The following NEBL variants were observed in gnomAD, a reference collection of about 807,000 sequenced individuals.
The protein encoded by NEBL is nebulette.
NEBL carries 122 observed loss-of-function variants against 140.2 expected under a neutral mutation model. The observed-to-expected ratio is 0.87, with a 90% confidence interval of 0.75 to 1.01. The LOEUF (loss-of-function observed/expected upper bound fraction) is 1.01. Ranked by LOEUF, NEBL falls within the 50% of genes least tolerant of loss-of-function variation. The pLI is 0.00. For missense variants in NEBL, 1,365 were observed against 1,231.3 expected (o/e 1.11, Z -1.62); for synonymous variants, 436 against 398.9 (o/e 1.09, Z -1.11).
At chr10:20,874,293 G>A (rs1845267013) in intron 5 of NEBL, among the ~76,000 whole-genome samples, 1 of 152,160 alleles carries the variant, frequency 6.6e-6, no homozygotes, top group South Asian at 2.1e-4. Flanking sequence ...GGCCTCTGAA[G>A]TTCAGCCTGC....
intron 3 of NEBL, among the ~76,000 whole-genome samples, chr10:20,996,130 G>C (rs1837656390): frequency 6.6e-6 from 1 of 152,156 alleles, no homozygotes. Flanking sequence ...AACCAAAGAA[G>C]GCTGGAGACT....
intron 2 of NEBL, among the ~76,000 whole-genome samples, chr10:21,105,189 C>A (rs910586677): frequency 6.9e-5 from 10 of 145,790 alleles, no homozygotes; most frequent in African/African-American, 2.8e-4. Flanking sequence ...ATCTTCATTT[C>A]TTTTTCTTTT....
At chr10:21,061,052 C>T (rs966539809) in intron 2 of NEBL, among the ~76,000 whole-genome samples, 1 of 151,600 alleles carries the variant, frequency 6.6e-6, no homozygotes, top group Non-Finnish European at 1.5e-5. Flanking sequence ...AGGGTCTTTG[C>T]AAATTTAACC....
At chr10:21,031,779 C>T (rs1228375254) in intron 2 of NEBL, among the ~76,000 whole-genome samples, 2 of 152,116 alleles carry the variant, frequency 1.3e-5, no homozygotes, top group African/African-American at 2.4e-5. Flanking sequence ...AAGTCAAGTC[C>T]TGGGCCTCCT....
At chr10:20,870,951 G>A (rs377708087) in intron 5 of NEBL, among the ~76,000 whole-genome samples, 6 of 152,176 alleles carry the variant, frequency 3.9e-5, no homozygotes, top group South Asian at 4.1e-4. Flanking sequence ...TGTTTCACTG[G>A]TCAGCTCACT....
At chr10:21,160,166 T>A (rs558976516) in intron 2 of NEBL, among the ~76,000 whole-genome samples, 12 of 152,270 alleles carry the variant, frequency 7.9e-5, no homozygotes, top group African/African-American at 2.9e-4. Flanking sequence ...TCAGTCCCTG[T>A]TATATACTCA....
In NEBL at chr10:21,131,935, T is replaced by C. The variant is rs929858249; in HGVS notation, c.164+40448A>G. 2.0e-5 allele frequency among the ~76,000 whole-genome samples: 3 copies of C among 152,234 alleles called. No homozygotes were observed. The South Asian group carries it at 6.2e-4, about 31-fold the overall frequency. On this transcript the variant is annotated intron_variant, in intron 2 of 6. Coordinates refer to the NEBL transcript ENST00000417816. ...TTCCTACTTTCTGCAAAAAGGCAGA[T>C]ACAGCTTTCTTTTTTATTTTTGTAT...
chr10:20,864,864 AG>A (rs1395835332), intron 7 of NEBL, among the ~76,000 whole-genome samples: 1 of 152,216 alleles, frequency 6.6e-6, no homozygotes, highest in African/African-American at 2.4e-5. Context: ...TTATTTTCCC[AG>A]CTTTCCCCTT....
At position 21,279,214 on chromosome 10, in the gene NEBL, T is replaced by C. The variant is rs201478488; in HGVS notation, n.182+13616A>G. Among the ~76,000 whole-genome samples the C allele has an allele frequency of 9.2e-5, 14 of 152,160 alleles. No homozygotes were observed. The East Asian group carries it at 2.5e-3, about 27-fold the overall frequency. On this transcript the variant is annotated intron_variant and non_coding_transcript_variant, in intron 1 of 8. Transcript: ENST00000675702. ...GCCTGGCTGCATTCCAATAAAACTTTATTTATGGATGCCAAGATTTGAATT... is the reference window on the plus strand; with the variant it reads ...GCCTGGCTGCATTCCAATAAAACTTCATTTATGGATGCCAAGATTTGAATT...
intron 3 of NEBL, among the ~76,000 whole-genome samples, chr10:20,992,389 T>C (rs2131688925): frequency 6.6e-6 from 1 of 152,276 alleles, no homozygotes; most frequent in South Asian, 2.1e-4. Flanking sequence ...CAGCATGAAT[T>C]AGATGGACCC....
At chr10:21,168,207 C>T (rs1402911073) in intron 2 of NEBL, among the ~76,000 whole-genome samples, 2 of 152,186 alleles carry the variant, frequency 1.3e-5, no homozygotes, top group East Asian at 3.8e-4. Flanking sequence ...CTCACTACTT[C>T]ATTCCATTAA....
In NEBL at chr10:21,173,705, C is replaced by G. The variant is rs575413999; in HGVS notation, c.69+60G>C. 1.2e-6 allele frequency: 2 copies of G among 1,609,038 alleles called. No individual in the cohort carries two copies. The highest frequency in any genetic ancestry group is 2.2e-5 in the South Asian group (2 of 91,016). On this transcript the variant is annotated intron_variant, in intron 1 of 6. Coordinates refer to the NEBL transcript ENST00000417816. The surrounding 1 kb of genome is among the most constrained non-coding windows in gnomAD (Gnocchi z 5.7). ...TTCCATCCCAGGTGCCAAAACTTCT[C>G]GAAGCAGGTGCAGCCCCTCGCCCGG...
At chr10:21,227,702 TTCTTCTTCTTTCTTCTTCTTCTTCTTC>T (rs1842177398) in intron 3 of NEBL, among the ~76,000 whole-genome samples, 1 of 68,310 alleles carries the variant, frequency 1.5e-5, no homozygotes, top group African/African-American at 7.1e-5. Flanking sequence ...CTTCTTCTTC[TTCTTCTTCTTTCTTCTTCTTCTTCTTC>T]TTCTTCTTCT....
chr10:20,899,424 A>G (rs1321019951), upstream of NEBL: 1 of 1,303,722 alleles, frequency 7.7e-7, no homozygotes, highest in African/African-American at 1.5e-5. Context: ...CCATCACGTA[A>G]TATGTTCTTA....
chr10:21,014,479 A>T (rs1027563966), intron 3 of NEBL, among the ~76,000 whole-genome samples: 2 of 152,204 alleles, frequency 1.3e-5, no homozygotes, highest in Non-Finnish European at 2.9e-5. Flanking sequence ...AAACTTTTGG[A>T]CAATGCTATC....
chr10:20,882,576 C>T (rs1321696671), intron 4 of NEBL, among the ~76,000 whole-genome samples: 1 of 152,094 alleles, frequency 6.6e-6, no homozygotes, highest in African/African-American at 2.4e-5. Flanking sequence ...GTTTAGTGAA[C>T]AGATGAATAA....
At chr10:21,141,633 C>G (rs1344739545) in intron 2 of NEBL, among the ~76,000 whole-genome samples, 2 of 151,916 alleles carry the variant, frequency 1.3e-5, no homozygotes, top group African/African-American at 4.8e-5. Context: ...CAGAGAAACA[C>G]AAAAAAGATG....
chr10:21,276,536 C>T (rs144786956), intron 1 of NEBL, among the ~76,000 whole-genome samples: 2 of 152,294 alleles, frequency 1.3e-5, no homozygotes, highest in African/African-American at 4.8e-5. Flanking sequence ...TTGGTCAAAA[C>T]TGATTGCCAC....
Position 20,889,830 on chromosome 10 carries a change from C to A in NEBL, c.258+15G>T, listed in dbSNP as rs773069296. 9 of 1,538,762 alleles carry A rather than the reference C, an allele frequency of 5.8e-6. No individual in the cohort carries two copies. The South Asian group carries it at 1.0e-4, about 17-fold the overall frequency. Reference sequence around the variant, plus strand: ...AGATAAATGCAAGCCAGTTTGCAAGCTTTTGATACCTTACCTCAGAAATAA... The same window carrying A: ...AGATAAATGCAAGCCAGTTTGCAAGATTTTGATACCTTACCTCAGAAATAA... On this transcript the variant is annotated intron_variant, in intron 3 of 27. Transcript: ENST00000377122.
Sources: allele counts gnomAD v4.1 joint callset (sites outside exome capture counted in the v4.1 genomes callset), GRCh38; gene constraint gnomAD v4.1.1; non-coding constraint Gnocchi (gnomAD v3.1); transcripts MANE v1.5; gene names NCBI Gene and HGNC (gene_info 2026-07-23, HGNC 2026-07-21).